The following NUP35 variants were observed in gnomAD, a reference collection of about 807,000 sequenced individuals.
NUP35 encodes the protein nucleoporin 35, also known as nucleoporin NUP35.
NUP35 carries 25 observed loss-of-function variants against 41.5 expected under a neutral mutation model. The observed-to-expected ratio is 0.60, with a 90% CI of 0.44 to 0.84. The LOEUF is 0.84. Among genes scored for constraint, NUP35 ranks in the 40% least tolerant of loss-of-function variants. The pLI is 0.00. For synonymous variants in NUP35, 149 were observed against 130.7 expected, an observed-to-expected ratio of 1.14 and a Z score of -0.96; for missense variants, 396 against 396.6, an observed-to-expected ratio of 1.00 and a Z score of 0.01.
chr2:183,118,745 T>C (rs2105521479), intron 1 of NUP35: 1 of 152,330 alleles, frequency 6.6e-6, no homozygotes, highest in East Asian at 1.9e-4. Flanking sequence ...GAGTGAAGGT[T>C]TGTTGAAAAA....
chr2:183,153,731 C>T (rs2105608556), intron 5 of NUP35, among the ~76,000 whole-genome samples: 1 of 152,264 alleles, frequency 6.6e-6, no homozygotes, highest in Non-Finnish European at 1.5e-5. Flanking sequence ...GCACAGAGTG[C>T]AAGCTGTCAG....
Position 183,161,080 on chromosome 2 carries a change from A to C in NUP35, c.930A>C (p.Lys310Asn), listed in dbSNP as rs1325593480. Residue 310 changes from lysine (K) to asparagine (N), a missense_variant, in exon 9 of 9, where the codon AAA becomes AAC. Physicochemically the swap from Lys to Asn is moderately conservative, Grantham distance 94. Transcript: ENST00000295119. ...YQVISDRQTP[K>N]KDESLVSKAM... ...TTATTTCTGACAGACAAACGCCAAA[A>C]AAAGATGAAAGTCTTGTATCCAAAG... is the stretch of plus-strand genomic sequence containing the variant. The C allele has an allele frequency of 6.2e-7, 1 of 1,613,622 alleles. No homozygotes were observed. The highest frequency in any genetic ancestry group is 8.5e-7 in the Non-Finnish European group (1 of 1,179,696).
intron 5 of NUP35, among the ~76,000 whole-genome samples, chr2:183,156,497 G>T (rs1051088152): frequency 6.6e-6 from 1 of 152,014 alleles, no homozygotes; most frequent in Non-Finnish European, 1.5e-5. Flanking sequence ...CCGCCACCAT[G>T]CCCAGCTGAT....
At chr2:183,157,918 C>G (rs1291440300) in intron 6 of NUP35, among the ~76,000 whole-genome samples, 1 of 152,012 alleles carries the variant, frequency 6.6e-6, no homozygotes, top group Non-Finnish European at 1.5e-5. Context: ...ATTATCTTAC[C>G]TTGTGCTACA....
chr2:183,147,934 GTGGCTATTGTA>G, intron 4 of NUP35, among the ~76,000 whole-genome samples: 1 of 149,398 alleles, frequency 6.7e-6, no homozygotes, highest in Non-Finnish European at 1.5e-5. Context: ...TTTTTGATAT[GTGGCTATTGTA>G]AATGGGATTA....
chr2:183,150,135 G>C (rs557607886), intron 4 of NUP35, among the ~76,000 whole-genome samples: 1 of 152,274 alleles, frequency 6.6e-6, no homozygotes, highest in South Asian at 2.1e-4. Flanking sequence ...ACAAACTCCT[G>C]ACGTCATGAT....
upstream of NUP35, chr2:183,124,420 T>G: frequency 6.2e-7 from 1 of 1,613,886 alleles, no homozygotes. Flanking sequence ...TGAAAATTAA[T>G]TGGGAAGGTA....
intron 4 of NUP35, among the ~76,000 whole-genome samples, chr2:183,143,381 TG>T (rs1352383704): frequency 3.9e-5 from 6 of 152,160 alleles, no homozygotes. Context: ...GATTCGGTAT[TG>T]GCAGCAGGGT....
chr2:183,150,997 A>G (rs1685451665), intron 4 of NUP35, among the ~76,000 whole-genome samples: 1 of 152,260 alleles, frequency 6.6e-6, no homozygotes, highest in Non-Finnish European at 1.5e-5. Context: ...AAGACATTTT[A>G]GAAAGAAATG....
intron 4 of NUP35, among the ~76,000 whole-genome samples, chr2:183,140,894 A>G (rs2105576228): frequency 6.6e-6 from 1 of 151,794 alleles, no homozygotes; most frequent in Non-Finnish European, 1.5e-5. Flanking sequence ...TAACCTTATT[A>G]TGAACTAGCC....
At chr2:183,152,908 C>G (rs889854622) in intron 5 of NUP35, among the ~76,000 whole-genome samples, 5 of 152,102 alleles carry the variant, frequency 3.3e-5, no homozygotes, top group Non-Finnish European at 5.9e-5. Flanking sequence ...GTATTAGTCC[C>G]TATTCATACT....
rs537037705 is a variant in NUP35, at chr2:183,153,328, T to C, written c.539+1679T>C. On this transcript the variant is annotated intron_variant, in intron 5 of 8. Transcript: ENST00000295119. ...TCCCAACACACCCCTGAAAGTCTTA[T>C]TTCAGCATTAACCCAAAAGTCCACA... 5.3e-5 allele frequency among the ~76,000 whole-genome samples: 8 copies of C among 152,270 alleles called. No homozygotes were observed. The South Asian group carries it at 1.2e-3, about 24-fold the overall frequency.
At chr2:183,156,821 G>C (rs969446187) in intron 5 of NUP35, among the ~76,000 whole-genome samples, 2 of 151,964 alleles carry the variant, frequency 1.3e-5, no homozygotes, top group Non-Finnish European at 2.9e-5. Flanking sequence ...GACTATAAAA[G>C]AATAATATGT....
intron 7 of NUP35, among the ~76,000 whole-genome samples, chr2:183,158,714 CA>C (rs1378421021): frequency 6.6e-6 from 1 of 152,072 alleles, no homozygotes; most frequent in Non-Finnish European, 1.5e-5. Flanking sequence ...ACTACTAATC[CA>C]TTCTCTTTCT....
At chr2:183,134,236 C>T (rs1684800898) in intron 4 of NUP35, among the ~76,000 whole-genome samples, 1 of 152,164 alleles carries the variant, frequency 6.6e-6, no homozygotes, top group Admixed American at 6.5e-5. Context: ...AATATTTGAG[C>T]ACCTAACTGT....
At chr2:183,120,653 A>G (rs138907917), upstream of NUP35, among the ~76,000 whole-genome samples, 1 of 152,298 alleles carries the variant, frequency 6.6e-6, no homozygotes, top group Non-Finnish European at 1.5e-5. Context: ...CATTTTTCAA[A>G]GTAGGTATTG....
intron 7 of NUP35, among the ~76,000 whole-genome samples, chr2:183,158,867 A>G (rs1685767921): frequency 6.6e-6 from 1 of 152,166 alleles, no homozygotes; most frequent in African/African-American, 2.4e-5. Context: ...GTTTAAAACT[A>G]TTTTAAAATT....
chr2:183,149,456 G>T (rs916149727), intron 4 of NUP35, among the ~76,000 whole-genome samples: 3 of 152,140 alleles, frequency 2.0e-5, no homozygotes, highest in Admixed American at 1.3e-4. Flanking sequence ...TCTTTTTAGT[G>T]TCTGGCTTAA....
chr2:183,149,226 T>C (rs1271204184), intron 4 of NUP35, among the ~76,000 whole-genome samples: 1 of 152,240 alleles, frequency 6.6e-6, no homozygotes, highest in African/African-American at 2.4e-5. Flanking sequence ...AGTTTTTACC[T>C]TGTTTATACT....
Sources: gnomAD v4.1 joint callset for allele counts (sites outside exome capture counted in the v4.1 genomes callset) on GRCh38, gnomAD v4.1.1 for gene constraint, MANE v1.5 for transcripts, NCBI Gene and HGNC (gene_info 2026-07-23, HGNC 2026-07-21) for gene names.